GMDS: variants seen among roughly 807,000 people sequenced by gnomAD.
GMDS encodes the protein GDP-mannose 4,6 dehydratase.
GMDS carries 20 observed loss-of-function variants against 49.9 expected under a neutral mutation model. That is an observed-to-expected ratio of 0.40 (90% CI 0.28 to 0.58). The LOEUF is 0.58. GMDS is among the 20% of genes least tolerant of loss of function. GMDS has a pLI of 0.42. For synonymous variants in GMDS, 177 were observed against 178.6 expected, an observed-to-expected ratio of 0.99 and a Z score of 0.07; for missense variants, 362 against 481.4, an observed-to-expected ratio of 0.75 and a Z score of 2.32.
At chr6:1,899,206 TTAGA>T (rs1178238085) in intron 7 of GMDS, among the ~76,000 whole-genome samples, 10 of 152,294 alleles carry the variant, frequency 6.6e-5, no homozygotes, top group Non-Finnish European at 1.2e-4. Context: ...TGGTAAATAA[TTAGA>T]TAGTCATTTA....
In GMDS at chr6:1,769,972, C is replaced by T. The variant is rs1355705276; in HGVS notation, c.772-27386G>A. 3.9e-5 allele frequency among the ~76,000 whole-genome samples: 6 copies of T among 152,264 alleles called. 2 individuals carry two copies. In the South Asian group the frequency reaches 8.3e-4, roughly 21 times the overall value. On this transcript the variant is annotated intron_variant, in intron 7 of 10. Transcript: ENST00000380815. ...AAACTCCTGACTCTAAGTGACCACC[C>T]GCCTCGGCCTCCCCGAGTGCTGGGA... is the stretch of plus-strand genomic sequence containing the variant.
chr6:1,879,101 T>C (rs150659324), intron 7 of GMDS, among the ~76,000 whole-genome samples: 114 of 152,266 alleles, frequency 7.5e-4, no homozygotes, highest in African/African-American at 2.6e-3. Flanking sequence ...TATACAAAGT[T>C]GCGATAAAGA....
chr6:1,704,794 G>T (rs1488140858), intron 9 of GMDS, among the ~76,000 whole-genome samples: 1 of 146,608 alleles, frequency 6.8e-6, no homozygotes, highest in Non-Finnish European at 1.5e-5. Context: ...TTGCTTTGTG[G>T]ATTAATATTA....
chr6:1,685,484 GTTT>G (rs959799014), intron 9 of GMDS, among the ~76,000 whole-genome samples: 1 of 151,200 alleles, frequency 6.6e-6, no homozygotes, highest in Non-Finnish European at 1.5e-5. Flanking sequence ...TTTAGTAAGG[GTTT>G]TTTTTTAATT....
At position 1,845,858 on chromosome 6, in the gene GMDS, C is replaced by T. The variant is rs530748323; in HGVS notation, c.771+84245G>A. On this transcript the variant is annotated intron_variant, in intron 7 of 10. Transcript: ENST00000380815. ...TTTCCACCACTCACCTCCTGCTGTG[C>T]GGCCTGGTTCCTAACAGGCCATGGA... Among the ~76,000 whole-genome samples the T allele has an allele frequency of 1.1e-4, 17 of 152,192 alleles. No homozygotes were observed. In the East Asian group the frequency reaches 1.5e-3, roughly 14 times the overall value.
intron 1 of GMDS, among the ~76,000 whole-genome samples, chr6:2,152,999 G>C (rs1489150036): frequency 1.3e-5 from 2 of 152,100 alleles, no homozygotes; most frequent in Non-Finnish European, 2.9e-5. Flanking sequence ...GGCATCGCTT[G>C]AACCCAGTAG....
At chr6:2,182,473 C>T (rs1485403344) in intron 1 of GMDS, among the ~76,000 whole-genome samples, 1 of 152,180 alleles carries the variant, frequency 6.6e-6, no homozygotes, top group Non-Finnish European at 1.5e-5. Flanking sequence ...GATGTCAATG[C>T]CTATCTTCAC....
At chr6:1,912,034 C>T (rs1018975732) in intron 7 of GMDS, among the ~76,000 whole-genome samples, 3 of 152,166 alleles carry the variant, frequency 2.0e-5, no homozygotes, top group Non-Finnish European at 4.4e-5. Flanking sequence ...ATTTCATAAT[C>T]TTATCATTTT....
intron 9 of GMDS, among the ~76,000 whole-genome samples, chr6:1,664,037 T>G (rs546895042): frequency 3.3e-4 from 50 of 152,324 alleles, no homozygotes; most frequent in Middle Eastern, 6.8e-3. Flanking sequence ...CTTACATTTA[T>G]TTCAACAAAT....
At chr6:2,144,182 T>A (rs918171063) in intron 1 of GMDS, among the ~76,000 whole-genome samples, 11 of 152,264 alleles carry the variant, frequency 7.2e-5, no homozygotes, top group Admixed American at 7.2e-4. Flanking sequence ...GGAGGTCAGG[T>A]CAGGTCACCA....
chr6:1,835,115 G>A (rs1175676338), intron 7 of GMDS, among the ~76,000 whole-genome samples: 1 of 152,146 alleles, frequency 6.6e-6, no homozygotes. Flanking sequence ...TGCTAACACG[G>A]GGCAAATAAC....
intron 4 of GMDS, among the ~76,000 whole-genome samples, chr6:2,084,822 A>T (rs1772920598): frequency 6.6e-6 from 1 of 152,200 alleles, no homozygotes; most frequent in African/African-American, 2.4e-5. Flanking sequence ...AAAACTCTTT[A>T]ATTCAACTTC....
intron 4 of GMDS, among the ~76,000 whole-genome samples, chr6:1,972,181 T>C (rs1340852443): frequency 1.3e-5 from 2 of 151,828 alleles, no homozygotes; most frequent in East Asian, 3.8e-4. Flanking sequence ...AAAAAATATA[T>C]AATTTTAAAA....
At chr6:1,673,581 G>A (rs981198886) in intron 9 of GMDS, among the ~76,000 whole-genome samples, 4 of 151,744 alleles carry the variant, frequency 2.6e-5, no homozygotes, top group African/African-American at 9.7e-5. Context: ...TTTACATTAG[G>A]GTTCACTCCA....
At chr6:1,773,645 G>A (rs1768675016) in intron 7 of GMDS, among the ~76,000 whole-genome samples, 1 of 152,228 alleles carries the variant, frequency 6.6e-6, no homozygotes, top group Admixed American at 6.5e-5. Context: ...ATGGCTGTCA[G>A]ATGGACTGGC....
At chr6:1,784,229 T>C (rs1484676693) in intron 7 of GMDS, among the ~76,000 whole-genome samples, 3 of 151,658 alleles carry the variant, frequency 2.0e-5, no homozygotes, top group Middle Eastern at 3.4e-3. Flanking sequence ...CCGTCTCTAC[T>C]GAAAATATAA....
intron 2 of GMDS, among the ~76,000 whole-genome samples, chr6:2,122,651 C>T (rs536815525): frequency 6.6e-5 from 10 of 152,282 alleles, no homozygotes; most frequent in African/African-American, 2.4e-4. Flanking sequence ...GGTTTATTCT[C>T]GAATTATACG....
intron 7 of GMDS, among the ~76,000 whole-genome samples, chr6:1,775,499 G>T (rs967107647): frequency 1.3e-5 from 2 of 152,190 alleles, no homozygotes; most frequent in African/African-American, 2.4e-5. Context: ...AAAGATGTCT[G>T]TAAGAGTGGC....
chr6:1,705,652 C>A (rs1027361098), intron 9 of GMDS, among the ~76,000 whole-genome samples: 1 of 152,096 alleles, frequency 6.6e-6, no homozygotes, highest in Non-Finnish European at 1.5e-5. Flanking sequence ...TTTGGAATCA[C>A]GGATAATGGA....
Sources: gnomAD v4.1 joint callset for allele counts (sites outside exome capture counted in the v4.1 genomes callset) on GRCh38, gnomAD v4.1.1 for gene constraint, MANE v1.5 for transcripts, NCBI Gene and HGNC (gene_info 2026-07-23, HGNC 2026-07-21) for gene names.